Variants in ORC3 observed in about 807,000 individuals in gnomAD.
The protein encoded by ORC3 is origin recognition complex subunit 3.
In ORC3, 78 loss-of-function variants were observed where a neutral mutation model predicts 100.7. That is an observed-to-expected ratio of 0.77 (90% CI 0.65 to 0.94). The LOEUF is 0.94. ORC3 is among the 40% of genes least tolerant of loss of function. The probability of loss-of-function intolerance (pLI) is 0.00; values close to 1 mark genes in which losing one functional copy is unlikely to be tolerated. For synonymous variants in ORC3, 295 were observed against 289.3 expected (o/e 1.02, Z -0.20); for missense variants, 789 against 823.9 (o/e 0.96, Z 0.52).
chr6:87,632,328 A>G (rs1012223913), intron 11 of ORC3, among the ~76,000 whole-genome samples: 1 of 152,268 alleles, frequency 6.6e-6, no homozygotes, highest in Non-Finnish European at 1.5e-5. Context: ...ATAAATAACA[A>G]TGAAATCTTT....
intron 13 of ORC3, among the ~76,000 whole-genome samples, chr6:87,641,038 G>A (rs190044267): frequency 6.6e-6 from 1 of 152,196 alleles, no homozygotes; most frequent in Admixed American, 6.5e-5. Context: ...GAAACTGGGA[G>A]GCAGAGGTTG....
chr6:87,623,822 T>C (rs746826861), intron 11 of ORC3, among the ~76,000 whole-genome samples: 46 of 152,128 alleles, frequency 3.0e-4, no homozygotes, highest in Non-Finnish European at 4.3e-4. Flanking sequence ...AGGTGGAGGC[T>C]GTGGTAAGCC....
Position 87,594,402 on chromosome 6 carries a change from C to T in ORC3, c.74C>T (p.Pro25Leu). ...TCCAAAAAGAGAAAGATCTCTCTGC[C>T]AATAGGTAAGGTGTCTGAATATTAA... The part of the protein sequence containing the change: ...PNSKKRKISL[P>L]IEDYFNKGKN... Residue 25 changes from proline (P) to leucine (L), a missense_variant, in exon 2 of 20, where the codon CCA becomes CTA. Coordinates refer to ENST00000392844, the MANE Select transcript of ORC3 (RefSeq NM_012381.4). 4 of 1,581,456 alleles carry T rather than the reference C, an allele frequency of 2.5e-6. No individual in the cohort carries two copies. Among genetic ancestry groups the T allele is most frequent in the Non-Finnish European group, 3.5e-6 (4 of 1,157,426 alleles).
At chr6:87,655,709 C>G (rs1024452124) in intron 14 of ORC3, among the ~76,000 whole-genome samples, 1 of 151,196 alleles carries the variant, frequency 6.6e-6, no homozygotes, top group African/African-American at 2.4e-5. Context: ...ACTATGTTTC[C>G]CAGCCTGGTC....
rs1459498547 is a variant in ORC3, at chr6:87,598,419, A to G, written c.80-3365A>G. Among the ~76,000 whole-genome samples, 8 of 152,180 alleles carry G rather than the reference A, an allele frequency of 5.3e-5. No individual in the cohort carries two copies. The East Asian group carries it at 1.3e-3, about 26-fold the overall frequency. On this transcript the variant is annotated intron_variant, in intron 2 of 19. Coordinates refer to ENST00000392844, the MANE Select transcript of ORC3 (RefSeq NM_012381.4). ...GATACTTAGACATATAACTTTCTCAATGTTATAATGTTAGTAAATGATAGA... is the reference window on the plus strand; with the variant it reads ...GATACTTAGACATATAACTTTCTCAGTGTTATAATGTTAGTAAATGATAGA...
rs1407717735 is a variant in ORC3, at chr6:87,640,211, CA to C, written c.1382+3728del. The stretch of plus-strand genomic sequence containing the variant: ...AACTGTTGAAACCTGGAAAATAAAA[CA>C]AACAATATGTCATCTACTTGAAGAA... On this transcript the variant is annotated intron_variant, in intron 13 of 19. Transcript: ENST00000392844. Among the ~76,000 whole-genome samples, 4 of 152,068 alleles carry C rather than the reference CA, an allele frequency of 2.6e-5. No homozygotes were observed. The East Asian group carries it at 7.7e-4, about 29-fold the overall frequency.
At chr6:87,601,583 A>G (rs1476256604) in intron 2 of ORC3, among the ~76,000 whole-genome samples, 1 of 152,036 alleles carries the variant, frequency 6.6e-6, no homozygotes, top group African/African-American at 2.4e-5. Context: ...GGCAGGAGAG[A>G]ATCACTTGAA....
At chr6:87,663,248 G>A (rs1034117750) in intron 17 of ORC3, 104 bp downstream of exon 17, 21 of 835,352 alleles carry the variant, frequency 2.5e-5, no homozygotes, top group East Asian at 1.1e-4. Context: ...GCAGAGAGTC[G>A]GCAATTCAGG....
At chr6:87,636,618 T>A (rs1312095113) in intron 13 of ORC3, 132 bp downstream of exon 13, 2 of 634,840 alleles carry the variant, frequency 3.2e-6, no homozygotes, top group Admixed American at 5.6e-5. Flanking sequence ...TATTTGCATA[T>A]ATCTTGAATT....
At chr6:87,596,844 A>G (rs1777481310) in intron 2 of ORC3, among the ~76,000 whole-genome samples, 1 of 152,322 alleles carries the variant, frequency 6.6e-6, no homozygotes, top group Non-Finnish European at 1.5e-5. Context: ...GAACTTTGAA[A>G]AGTCTTATTT....
intron 8 of ORC3, among the ~76,000 whole-genome samples, chr6:87,614,429 T>C (rs2128257420): frequency 6.6e-6 from 1 of 152,300 alleles, no homozygotes; most frequent in Admixed American, 6.5e-5. Flanking sequence ...TTTTCTCCAT[T>C]GTTTTGGGGA....
chr6:87,659,883 AG>A (rs1252420720), intron 16 of ORC3, among the ~76,000 whole-genome samples: 1 of 151,168 alleles, frequency 6.6e-6, no homozygotes, highest in Non-Finnish European at 1.5e-5. Flanking sequence ...CTCCATCTCG[AG>A]AAAAAAAAAA....
intron 6 of ORC3, 132 bp downstream of exon 6, chr6:87,607,956 GGTAT>G (rs1778469356): frequency 1.3e-5 from 7 of 557,870 alleles, no homozygotes; most frequent in Non-Finnish European, 1.5e-5. Context: ...TTTAAAAGTA[GGTAT>G]TTATTTTTTC....
intron 13 of ORC3, among the ~76,000 whole-genome samples, chr6:87,641,640 C>T (rs1768268514): frequency 6.6e-6 from 1 of 152,138 alleles, no homozygotes; most frequent in African/African-American, 2.4e-5. Flanking sequence ...TGATTGATAG[C>T]TGGAGGAATT....
At chr6:87,655,013 A>T (rs1769558230) in intron 14 of ORC3, among the ~76,000 whole-genome samples, 1 of 152,170 alleles carries the variant, frequency 6.6e-6, no homozygotes, top group African/African-American at 2.4e-5. Flanking sequence ...AATGTCTGTT[A>T]TTTCCTGATT....
At position 87,664,780 on chromosome 6, in the gene ORC3, A is replaced by G; in HGVS notation, c.1871A>G (p.Asn624Ser). 8 of 1,614,168 alleles carry G rather than the reference A, an allele frequency of 5.0e-6. No homozygotes were observed. Among genetic ancestry groups the G allele is most frequent in the Non-Finnish European group, 5.9e-6 (7 of 1,180,004 alleles). ...AAAAGCGAAGAAGGCTGCATTCCGA[A>G]TATCGCCCCAGACATCTGCATAGCA... The part of the protein sequence containing the change: ...ALKSEEGCIP[N>S]IAPDICIAYK... Residue 624 changes from asparagine to serine, a missense_variant, in exon 18 of 20, where the codon AAT becomes AGT. Physicochemically the swap from Asn to Ser is conservative, Grantham distance 46. This residue lies in a region of ORC3 where 366 missense variants were observed against 394.2 expected (regional missense o/e 0.93). Transcript: ENST00000392844.
chr6:87,640,158 T>C (rs1168198925), intron 13 of ORC3, among the ~76,000 whole-genome samples: 1 of 152,052 alleles, frequency 6.6e-6, no homozygotes, highest in East Asian at 1.9e-4. Flanking sequence ...CTCTAGTGTA[T>C]TTCACAGAAA....
intron 17 of ORC3, among the ~76,000 whole-genome samples, 193 bp from the exon 18 acceptor site, chr6:87,664,550 T>C (rs1257773379): frequency 1.3e-5 from 2 of 152,196 alleles, no homozygotes; most frequent in Admixed American, 6.5e-5. Context: ...GACTAAGAAC[T>C]AGAGGGGTTA....
intron 16 of ORC3, among the ~76,000 whole-genome samples, chr6:87,662,540 C>G (rs1450533488): frequency 2.0e-5 from 3 of 152,186 alleles, no homozygotes; most frequent in Non-Finnish European, 4.4e-5. Flanking sequence ...TTCCTGAACT[C>G]TTAATTCCAG....
Sources: allele counts gnomAD v4.1 joint callset (sites outside exome capture counted in the v4.1 genomes callset), GRCh38; gene constraint gnomAD v4.1.1; regional missense constraint gnomAD v4.1.1; transcripts MANE v1.5; gene names NCBI Gene and HGNC (gene_info 2026-07-23, HGNC 2026-07-21).